C21orf58: variants seen among roughly 807,000 people sequenced by gnomAD.
The protein encoded by C21orf58 is chromosome 21 open reading frame 58.
In C21orf58, 34 loss-of-function variants were observed where a neutral mutation model predicts 35.8. The observed-to-expected ratio is 0.95, with a 90% CI of 0.72 to 1.26. The LOEUF (loss-of-function observed/expected upper bound fraction) is 1.26, where lower values mean the gene tolerates loss of function less well. C21orf58 is among the 50% of genes most tolerant of loss of function. The pLI is 0.00. For missense variants in C21orf58, 440 were observed against 414.3 expected, an observed-to-expected ratio of 1.06 and a Z score of -0.54; for synonymous variants, 191 against 175.8, an observed-to-expected ratio of 1.09 and a Z score of -0.68.
At chr21:46,305,007 T>G (rs1569118969) in intron 6 of C21orf58, among the ~76,000 whole-genome samples, 1 of 152,170 alleles carries the variant, frequency 6.6e-6, no homozygotes. Flanking sequence ...ACAGTCAGAC[T>G]CATAGAAACA....
At position 46,322,806 on chromosome 21, in the gene C21orf58, CAGGGCTTCCTG is replaced by C; in HGVS notation, c.-79_-69del. Reference sequence around the variant, plus strand: ...AGAAAAAAAATTCTGAGCGAGATTCCAGGGCTTCCTGAGGGCGCGTTTAAGTTGCAGTTGCT... The same window carrying C: ...AGAAAAAAAATTCTGAGCGAGATTCCAGGGCGCGTTTAAGTTGCAGTTGCT... On this transcript the variant is annotated 5_prime_UTR_variant, in exon 1 of 8. Transcript: ENST00000291691. 1 of 1,123,948 alleles carries C rather than the reference CAGGGCTTCCTG, an allele frequency of 8.9e-7. No individual in the cohort carries two copies. The highest frequency in any genetic ancestry group is 1.2e-6 in the Non-Finnish European group (1 of 842,852). 69.6% of individuals were successfully genotyped at this position (1,123,948 alleles called of 1,614,324 possible). A position where few individuals can be genotyped will look rare whatever the true frequency, so the allele number is the denominator to read the frequency against.
At chr21:46,306,069 CAA>C (rs34976693) in intron 6 of C21orf58, among the ~76,000 whole-genome samples, 6,848 of 122,352 alleles carry the variant, frequency 0.056, 200 homozygotes, top group Non-Finnish European at 0.079. Flanking sequence ...CACTGTGACT[CAA>C]AAAAAAAAAA....
At position 46,318,362 on chromosome 21, in the gene C21orf58, G is replaced by A. The variant is rs1477408862; in HGVS notation, c.101-142C>T. ...CCCCAGGTTGCCAGGTTTCCACTGT[G>A]CGTCCTCAGGCTACCGGTAAACACT... On this transcript the variant is annotated intron_variant, in intron 1 of 7. Coordinates refer to ENST00000291691, the MANE Select transcript of C21orf58 (RefSeq NM_058180.5). 5 of 1,460,252 alleles carry A rather than the reference G, an allele frequency of 3.4e-6. No individual in the cohort carries two copies. The African/African-American group carries it at 4.2e-5, about 12-fold the overall frequency. The allele number at this position is 1,460,252 out of a possible 1,614,324, so 90.5% of individuals were successfully genotyped here. A position where few individuals can be genotyped will look rare whatever the true frequency, so the allele number is the denominator to read the frequency against.
intron 6 of C21orf58, among the ~76,000 whole-genome samples, chr21:46,306,434 G>C (rs1489704035): frequency 6.6e-6 from 1 of 152,110 alleles, no homozygotes; most frequent in Non-Finnish European, 1.5e-5. Flanking sequence ...AGGAGGCGGA[G>C]GTTGCATTGA....
At chr21:46,303,733 ATATATATATATATTTTTTTT>A (rs1317021336) in intron 6 of C21orf58, among the ~76,000 whole-genome samples, 4,059 of 32,168 alleles carry the variant, frequency 0.13, 273 homozygotes, top group Non-Finnish European at 0.18. Context: ...ATATATATAT[ATATATATATATATTTTTTTT>A]TTTTTTTTTT....
chr21:46,303,734 TATA>T (rs1569116382), intron 6 of C21orf58, among the ~76,000 whole-genome samples: 51 of 25,788 alleles, frequency 2.0e-3, no homozygotes, highest in Non-Finnish European at 3.7e-3. Context: ...TATATATATA[TATA>T]TATATATATT....
Position 46,322,620 on chromosome 21 carries a change from C to G in C21orf58, c.100+19G>C, listed in dbSNP as rs370016326. The G allele has an allele frequency of 6.2e-5, 93 of 1,510,768 alleles. No homozygotes were observed. In the African/African-American group the frequency reaches 1.2e-3, roughly 20 times the overall value. 93.6% of individuals were successfully genotyped at this position (1,510,768 alleles called of 1,614,324 possible). A position where few individuals can be genotyped will look rare whatever the true frequency, so the allele number is the denominator to read the frequency against. On this transcript the variant is annotated intron_variant, in intron 1 of 7. Coordinates refer to ENST00000291691, the MANE Select transcript of C21orf58 (RefSeq NM_058180.5). ...ATTCCGAGTCTGGGAACCAGGAGAC[C>G]GCTGGACACCCCGCTCACCACACAG... is the stretch of plus-strand genomic sequence containing the variant.
intron 6 of C21orf58, among the ~76,000 whole-genome samples, chr21:46,303,411 A>C (rs970634071): frequency 3.1e-4 from 47 of 152,074 alleles, no homozygotes; most frequent in African/African-American, 1.1e-3. Flanking sequence ...AACCACAAGA[A>C]GGATGGAACA....
intron 6 of C21orf58, among the ~76,000 whole-genome samples, chr21:46,303,743 A>ATTT (rs2082271514): frequency 5.1e-5 from 1 of 19,598 alleles, no homozygotes; most frequent in Non-Finnish European, 1.1e-4. Flanking sequence ...ATATATATAT[A>ATTT]TATTTTTTTT....
chr21:46,320,144 G>T (rs1404630063), intron 1 of C21orf58, among the ~76,000 whole-genome samples: 1 of 151,762 alleles, frequency 6.6e-6, no homozygotes, highest in East Asian at 2.0e-4. Context: ...TCGTTGCCCA[G>T]GCTGGAGTGC....
chr21:46,316,100 G>A (rs2082967760), intron 3 of C21orf58, among the ~76,000 whole-genome samples: 1 of 152,016 alleles, frequency 6.6e-6, no homozygotes, highest in African/African-American at 2.4e-5. Context: ...AGTGAATTGT[G>A]ATCAGGCCAC....
rs2082652014 is a variant in C21orf58, at chr21:46,310,867, T to C, written c.721+589A>G. The stretch of plus-strand genomic sequence containing the variant: ...TTAAAAATCAAGTATTTAAAAGCTA[T>C]TATTATTATTATTATTTTTGAGACA... On this transcript the variant is annotated intron_variant, in intron 6 of 7. Coordinates refer to ENST00000291691, the MANE Select transcript of C21orf58 (RefSeq NM_058180.5). Among the ~76,000 whole-genome samples the C allele has an allele frequency of 1.3e-5, 2 of 151,620 alleles. 1 individual carries two copies. Among genetic ancestry groups the C allele is most frequent in the African/African-American group, 4.8e-5 (2 of 41,304 alleles).
In C21orf58 at chr21:46,314,276, C is replaced by T. The variant is rs189548942; in HGVS notation, c.609+440G>A. 1.4e-3 allele frequency among the ~76,000 whole-genome samples: 213 copies of T among 152,236 alleles called. 1 individual carries two copies. The highest frequency in any genetic ancestry group is 3.4e-3 in the Middle Eastern group (1 of 294). The stretch of plus-strand genomic sequence containing the variant: ...TATTTTTAGTAGAGACAGGATTTCA[C>T]CAAGTTGCCCAGGCTGGTCTCAAAC... On this transcript the variant is annotated intron_variant, in intron 5 of 7. Transcript: ENST00000291691.
Position 46,316,491 on chromosome 21 carries a change from G to A in C21orf58, c.370+717C>T, listed in dbSNP as rs951288284. Among the ~76,000 whole-genome samples the A allele has an allele frequency of 3.9e-5, 6 of 152,200 alleles. No individual in the cohort carries two copies. The South Asian group carries it at 1.2e-3, about 32-fold the overall frequency. On this transcript the variant is annotated intron_variant, in intron 3 of 7. Transcript: ENST00000291691. ...AAAAGTCTACATTCCTTGGGGGAGG[G>A]TCTACACTCAAGAGAAGGCTCCGGA...
intron 4 of C21orf58, 137 bp from the exon 5 acceptor site, chr21:46,315,017 C>T (rs2082918808): frequency 1.0e-5 from 16 of 1,548,188 alleles, no homozygotes; most frequent in Non-Finnish European, 1.4e-5. Context: ...GACTGGAAGA[C>T]CCTTCCAGGG....
In C21orf58 at chr21:46,315,532, G is replaced by A. The variant is rs377051341; in HGVS notation, c.386C>T (p.Pro129Leu). Residue 129 changes from proline to leucine, a missense_variant, in exon 4 of 8, where the codon CCG (proline) becomes CTG (leucine). By Grantham distance (98) the Pro-to-Leu change is moderately conservative. Coordinates refer to ENST00000291691, the MANE Select transcript of C21orf58 (RefSeq NM_058180.5). The part of the protein sequence containing the change: ...LHLEPGNEDR[P>L]DDALQTALKR... ...CAGAGCAGTCTGCAGGGCATCGTCC[G>A]GCCGGTCCTCATTTCCTGGAGGGAA... 908 of 1,610,668 alleles carry A rather than the reference G, an allele frequency of 5.6e-4. 2 individuals are homozygous for A. Among genetic ancestry groups the A allele is most frequent in the Non-Finnish European group, 7.4e-4 (873 of 1,177,446 alleles).
intron 1 of C21orf58, chr21:46,318,676 T>C: frequency 9.5e-7 from 1 of 1,048,090 alleles, no homozygotes; most frequent in Non-Finnish European, 1.2e-6. Context: ...TACCAAGGAG[T>C]TCAGGAAATT....
At position 46,314,711 on chromosome 21, in the gene C21orf58, C is replaced by G. The variant is rs528937142; in HGVS notation, c.609+5G>C. The G allele has an allele frequency of 6.9e-7, 1 of 1,451,776 alleles. No homozygotes were observed. Among genetic ancestry groups the G allele is most frequent in the South Asian group, 1.4e-5 (1 of 69,086 alleles). 89.9% of individuals were successfully genotyped at this position (1,451,776 alleles called of 1,614,324 possible). A position where few individuals can be genotyped will look rare whatever the true frequency, so the allele number is the denominator to read the frequency against. ...CAGATGTGCTCCTCGACTTCGCCCT[C>G]TTACCGTAGGCAGGATGATCCTTGG... On this transcript the variant is annotated splice_donor_5th_base_variant and intron_variant, in intron 5 of 7. Transcript: ENST00000291691.
intron 4 of C21orf58, chr21:46,315,107 G>C: frequency 7.8e-7 from 1 of 1,288,640 alleles, no homozygotes; most frequent in Non-Finnish European, 1.0e-6. Context: ...TCCAGCCCCA[G>C]GGTCTGTTCT....
Sources: allele counts gnomAD v4.1 joint callset (sites outside exome capture counted in the v4.1 genomes callset), GRCh38; gene constraint gnomAD v4.1.1; transcripts MANE v1.5; gene names NCBI Gene and HGNC (gene_info 2026-07-23, HGNC 2026-07-21).